LRP1B: variants seen among roughly 807,000 people sequenced by gnomAD.
LRP1B encodes low-density lipoprotein receptor-related protein 1B.
In LRP1B, 217 loss-of-function variants were observed where a neutral mutation model predicts 556.6. That is an observed-to-expected ratio of 0.39 (90% CI 0.35 to 0.44). LRP1B has a LOEUF of 0.44. LRP1B is among the 20% of genes least tolerant of loss of function. The probability of loss-of-function intolerance (pLI) is 1.00; values close to 1 mark genes in which losing one functional copy is unlikely to be tolerated. For synonymous variants in LRP1B, 2,047 were observed against 1,865.8 expected, an observed-to-expected ratio of 1.10 and a Z score of -2.50; for missense variants, 5,053 against 5,620.8, an observed-to-expected ratio of 0.90 and a Z score of 3.23.
chr2:141,456,128 C>A (rs58903278), intron 3 of LRP1B, among the ~76,000 whole-genome samples: 3,324 of 152,330 alleles, frequency 0.022, 145 homozygotes, highest in African/African-American at 0.074. Context: ...AGAGGACAAA[C>A]TGGCCACCAG....
At chr2:140,603,042 T>G (rs1257596907) in intron 41 of LRP1B, among the ~76,000 whole-genome samples, 1 of 152,036 alleles carries the variant, frequency 6.6e-6, no homozygotes, top group Non-Finnish European at 1.5e-5. Flanking sequence ...TATGGGTTTA[T>G]AATGGTTACT....
At chr2:141,308,225 G>T (rs1047914411) in intron 3 of LRP1B, among the ~76,000 whole-genome samples, 2 of 152,054 alleles carry the variant, frequency 1.3e-5, no homozygotes, top group Non-Finnish European at 2.9e-5. Flanking sequence ...TGAAATTTGG[G>T]CTACTGGTGA....
intron 17 of LRP1B, among the ~76,000 whole-genome samples, chr2:140,984,108 A>G (rs1480612986): frequency 6.6e-6 from 1 of 151,828 alleles, no homozygotes; most frequent in East Asian, 1.9e-4. Context: ...CACAAAATCT[A>G]ATGTCATTAG....
intron 41 of LRP1B, among the ~76,000 whole-genome samples, chr2:140,643,773 A>G (rs1244897150): frequency 1.3e-5 from 2 of 152,206 alleles, no homozygotes; most frequent in Admixed American, 6.5e-5. Flanking sequence ...CACTATTTCA[A>G]TGGTGCAATG....
intron 53 of LRP1B, among the ~76,000 whole-genome samples, chr2:140,505,789 G>C (rs1689383009): frequency 6.6e-6 from 1 of 152,142 alleles, no homozygotes; most frequent in Non-Finnish European, 1.5e-5. Context: ...GAGAACAAAG[G>C]CAGGCACTAA....
At chr2:142,001,075 C>G (rs1255266432) in intron 1 of LRP1B, among the ~76,000 whole-genome samples, 1 of 152,150 alleles carries the variant, frequency 6.6e-6, no homozygotes, top group Non-Finnish European at 1.5e-5. Context: ...CTCTTGTTCT[C>G]TCTTGCCTGC....
intron 86 of LRP1B, among the ~76,000 whole-genome samples, chr2:140,261,078 G>A (rs1387926016): frequency 6.6e-6 from 1 of 150,926 alleles, no homozygotes; most frequent in Non-Finnish European, 1.5e-5. Flanking sequence ...TAATATATAT[G>A]ATGAAAGAAA....
At chr2:140,894,263 A>G (rs1157412358) in intron 23 of LRP1B, among the ~76,000 whole-genome samples, 1 of 152,144 alleles carries the variant, frequency 6.6e-6, no homozygotes, top group Non-Finnish European at 1.5e-5. Flanking sequence ...GTCAGTAAAA[A>G]TACTATGTTT....
chr2:141,378,005 A>C (rs2104880722), intron 3 of LRP1B, among the ~76,000 whole-genome samples: 1 of 152,260 alleles, frequency 6.6e-6, no homozygotes, highest in South Asian at 2.1e-4. Context: ...TCCTTTGTTT[A>C]GCTAATAATG....
chr2:142,012,102 A>C (rs897379967), intron 1 of LRP1B, among the ~76,000 whole-genome samples: 20 of 152,274 alleles, frequency 1.3e-4, no homozygotes, highest in African/African-American at 2.2e-4. Flanking sequence ...AAAAATGCCC[A>C]AAATATTCAT....
intron 3 of LRP1B, among the ~76,000 whole-genome samples, chr2:141,349,297 C>T (rs1195402471): frequency 6.6e-6 from 1 of 151,978 alleles, no homozygotes; most frequent in Non-Finnish European, 1.5e-5. Context: ...TGAACACACA[C>T]ACACCCTATG....
chr2:141,810,111 GAA>G (rs72101254), intron 2 of LRP1B, among the ~76,000 whole-genome samples, 166 bp downstream of exon 2: 69,957 of 116,600 alleles, frequency 0.6, 19,291 homozygotes, highest in African/African-American at 0.73. Flanking sequence ...AAGAAAGAAA[GAA>G]AAAGAAAGAA....
chr2:140,429,213 C>T (rs1316543760), intron 66 of LRP1B, among the ~76,000 whole-genome samples: 4 of 152,170 alleles, frequency 2.6e-5, no homozygotes, highest in African/African-American at 4.8e-5. Flanking sequence ...TATAAACTCT[C>T]CTTACAGTTC....
intron 3 of LRP1B, among the ~76,000 whole-genome samples, chr2:141,314,410 T>C (rs909279709): frequency 6.6e-6 from 1 of 152,220 alleles, no homozygotes; most frequent in Non-Finnish European, 1.5e-5. Context: ...GAAATATTTT[T>C]GAGTCTCCTA....
chr2:140,549,570 A>G (rs1284870717), intron 43 of LRP1B, among the ~76,000 whole-genome samples: 1 of 152,228 alleles, frequency 6.6e-6, no homozygotes, highest in East Asian at 1.9e-4. Flanking sequence ...AAAGTTGAGT[A>G]GCAGCACATA....
intron 31 of LRP1B, among the ~76,000 whole-genome samples, chr2:140,815,767 G>A (rs1307327916): frequency 6.6e-6 from 1 of 151,930 alleles, no homozygotes; most frequent in African/African-American, 2.4e-5. Context: ...TATATGGGAA[G>A]TTTAAGCAAA....
intron 35 of LRP1B, among the ~76,000 whole-genome samples, chr2:140,718,146 T>C (rs147410110): frequency 6.4e-4 from 98 of 152,178 alleles, no homozygotes; most frequent in African/African-American, 2.2e-3. Flanking sequence ...GTTTCTCTGC[T>C]TGTTTGTAGA....
Position 140,700,380 on chromosome 2 carries a change from A to G in LRP1B, c.6669T>C (p.Asn2223=), listed in dbSNP as rs2105420405. 12 of 1,613,470 alleles carry G rather than the reference A, an allele frequency of 7.4e-6. No individual in the cohort carries two copies. The highest frequency in any genetic ancestry group is 1.0e-5 in the Non-Finnish European group (12 of 1,179,630). Residue 2223 remains asparagine (N), a synonymous_variant, in exon 41 of 91, where the codon AAT becomes AAC. Transcript: ENST00000389484. ...TATAGTCAAAAGCCAAGGCTATGAC[A>G]TTCTTGAAATAACGTGGATTCTCAT... is the stretch of plus-strand genomic sequence containing the variant. ...RPYENPRYFK[N]VIALAFDYNQ... is the part of the protein sequence containing the mutation.
At chr2:141,608,893 A>G (rs985031807) in intron 2 of LRP1B, among the ~76,000 whole-genome samples, 1 of 152,200 alleles carries the variant, frequency 6.6e-6, no homozygotes, top group Admixed American at 6.5e-5. Flanking sequence ...ACGTTGGCTG[A>G]TAATTTTATT....
Sources: allele counts gnomAD v4.1 joint callset (sites outside exome capture counted in the v4.1 genomes callset), GRCh38; gene constraint gnomAD v4.1.1; transcripts MANE v1.5; gene names NCBI Gene and HGNC (gene_info 2026-07-23, HGNC 2026-07-21).